Variants in IL18R1 observed in about 807,000 individuals in gnomAD.
The protein encoded by IL18R1 is interleukin 18 receptor 1, also known as interleukin-18 receptor 1.
Under a neutral mutation model 48.5 loss-of-function variants are expected in IL18R1, and 40 were observed. The observed-to-expected ratio is 0.82, with a 90% CI of 0.64 to 1.07. The LOEUF (loss-of-function observed/expected upper bound fraction) is 1.07, where lower values mean the gene tolerates loss of function less well. IL18R1 is among the 50% of genes least tolerant of loss of function. IL18R1 has a pLI of 0.00. For missense variants in IL18R1, 596 were observed against 633.7 expected (o/e 0.94, Z 0.64); for synonymous variants, 232 against 225.9 (o/e 1.03, Z -0.24).
intron 4 of IL18R1, among the ~76,000 whole-genome samples, chr2:102,374,407 T>G (rs1486833014): frequency 6.6e-6 from 1 of 152,164 alleles, no homozygotes; most frequent in Non-Finnish European, 1.5e-5. Flanking sequence ...CAGTCCTGAG[T>G]TGACTTTATT....
chr2:102,384,959 C>T lies in IL18R1; in HGVS notation c.770C>T (p.Ser257Leu), dbSNP rs377457925. ...TGGATGTTCGGGGAAGAAAATGGAT[C>T]GGATCCTAATATACATGAAGAGAAA... ...IYWMFGEENG[S>L]DPNIHEEKEM... Residue 257 changes from serine (S) to leucine (L), a missense_variant, in exon 7 of 11, where the codon TCG becomes TTG. Transcript: ENST00000233957. 3.7e-5 allele frequency: 59 copies of T among 1,604,346 alleles called. No individual in the cohort carries two copies. The highest frequency in any genetic ancestry group is 3.3e-4 in the African/African-American group (25 of 74,746).
At chr2:102,363,009 GGA>G (rs11465570) in intron 2 of IL18R1, 14,088 of 228,760 alleles carry the variant, frequency 0.062, 647 homozygotes, top group Non-Finnish European at 0.082. Flanking sequence ...TTCCTGAGAG[GGA>G]GGCAAAGATT....
chr2:102,391,397 C>A (rs1680563249), intron 9 of IL18R1, among the ~76,000 whole-genome samples: 1 of 152,202 alleles, frequency 6.6e-6, no homozygotes, highest in Non-Finnish European at 1.5e-5. Flanking sequence ...ACCTTAGACA[C>A]ACTTGCATGT....
chr2:102,371,919 C>A (rs1218457870), intron 3 of IL18R1, 34 bp from the exon 4 acceptor site: 1 of 1,242,726 alleles, frequency 8.0e-7, no homozygotes, highest in Non-Finnish European at 1.1e-6. Context: ...GTTTCTGTAG[C>A]ATTATAAAAT....
At chr2:102,392,008 T>A (rs1195445339) in intron 9 of IL18R1, among the ~76,000 whole-genome samples, 1 of 152,214 alleles carries the variant, frequency 6.6e-6, no homozygotes, top group Non-Finnish European at 1.5e-5. Flanking sequence ...TAATTTGTCT[T>A]TTGACTTTGC....
chr2:102,374,726 C>T (rs1351847781), intron 4 of IL18R1, among the ~76,000 whole-genome samples: 1 of 151,306 alleles, frequency 6.6e-6, no homozygotes, highest in Non-Finnish European at 1.5e-5. Flanking sequence ...TGCAGCGAGC[C>T]GAGACTGGGC....
intron 1 of IL18R1, 75 bp from the exon 2 acceptor site, chr2:102,362,558 A>T: frequency 1.1e-6 from 1 of 926,980 alleles, no homozygotes; most frequent in East Asian, 2.7e-5. Context: ...GTGCCAGAAG[A>T]TTTTTAAACC....
intron 1 of IL18R1, among the ~76,000 whole-genome samples, chr2:102,356,941 G>A (rs1168417394): frequency 6.6e-6 from 1 of 152,058 alleles, no homozygotes; most frequent in African/African-American, 2.4e-5. Flanking sequence ...AAATTAATGA[G>A]GTGTCAATTG....
intron 1 of IL18R1, among the ~76,000 whole-genome samples, chr2:102,357,141 G>A (rs1313277142): frequency 6.6e-6 from 1 of 152,114 alleles, no homozygotes; most frequent in Non-Finnish European, 1.5e-5. Flanking sequence ...TGCAGGTTCT[G>A]GGGACAGTGT....
At chr2:102,375,152 G>T (rs192770694) in intron 4 of IL18R1, among the ~76,000 whole-genome samples, 15 of 152,320 alleles carry the variant, frequency 9.8e-5, no homozygotes, top group African/African-American at 3.6e-4. Context: ...TCCTTGCTTG[G>T]TGTTTGCAGA....
intron 9 of IL18R1, among the ~76,000 whole-genome samples, chr2:102,393,775 C>CCATTGCAT (rs766895034): frequency 2.0e-4 from 30 of 152,192 alleles, no homozygotes; most frequent in Non-Finnish European, 4.1e-4. Flanking sequence ...CAATTAGCAT[C>CCATTGCAT]CATTGCATTT....
chr2:102,375,907 A>C lies in IL18R1; in HGVS notation c.469A>C (p.Asn157His), dbSNP rs777645316. The C allele has an allele frequency of 1.9e-6, 3 of 1,562,712 alleles. No individual in the cohort carries two copies. ...TLVNSTSLYK[N>H]CKKLLLENNK... ...TTTTAACTTGTTTTATTAAAAACAG[A>C]ACTGTAAAAAGCTACTACTGGAGAA... The change falls in exon 5 of 11, where the codon AAC (asparagine) becomes CAC (histidine). Residue 157 changes from asparagine (N) to histidine (H), a missense_variant and splice_region_variant. Asn to His is a moderately conservative substitution (Grantham distance 68, BLOSUM62 1). Coordinates refer to ENST00000233957, the MANE Select transcript of IL18R1 (RefSeq NM_003855.5).
rs72823668 is a variant in IL18R1 at position 102,362,582 on chromosome 2, C to A, written c.-28-51C>A. The A allele has an allele frequency of 2.3e-4, 279 of 1,232,714 alleles. 1 individual carries two copies. The African/African-American group carries it at 3.6e-3, about 16-fold the overall frequency. The allele number at this position is 1,232,714 out of a possible 1,614,324, so 76.4% of individuals were successfully genotyped here. ...GATTTTTAAACCTTCATAAGATAGG[C>A]ACACTTTTGTTTGAAAGCTTTGGCT... On this transcript the variant is annotated intron_variant, in intron 1 of 10. Coordinates refer to ENST00000233957, the MANE Select transcript of IL18R1 (RefSeq NM_003855.5).
chr2:102,395,883 A>G (rs1423245837), intron 10 of IL18R1, among the ~76,000 whole-genome samples: 1 of 152,190 alleles, frequency 6.6e-6, no homozygotes, highest in Non-Finnish European at 1.5e-5. Flanking sequence ...ACATTGGTTT[A>G]CCTGTCGCCT....
At chr2:102,357,709 G>T (rs1678333954) in intron 1 of IL18R1, among the ~76,000 whole-genome samples, 1 of 152,122 alleles carries the variant, frequency 6.6e-6, no homozygotes, top group African/African-American at 2.4e-5. Flanking sequence ...TGGCATCTGG[G>T]ATAAGTGGGG....
At chr2:102,395,125 G>A (rs1367784737) in intron 10 of IL18R1, among the ~76,000 whole-genome samples, 1 of 151,996 alleles carries the variant, frequency 6.6e-6, no homozygotes, top group African/African-American at 2.4e-5. Context: ...AAATTGAAAA[G>A]GGAAAAATAA....
At chr2:102,379,683 T>G (rs2105088488) in intron 5 of IL18R1, among the ~76,000 whole-genome samples, 1 of 152,264 alleles carries the variant, frequency 6.6e-6, no homozygotes. Context: ...CAGAGGGTCT[T>G]AAGACTTACT....
Position 102,394,675 on chromosome 2 carries a change from A to T in IL18R1, c.1270+48A>T, listed in dbSNP as rs1018796631. 4.0e-6 allele frequency: 6 copies of T among 1,512,652 alleles called. No individual in the cohort carries two copies. In the African/African-American group the frequency reaches 5.5e-5, roughly 14 times the overall value. The allele number at this position is 1,512,652 out of a possible 1,614,324, so 93.7% of individuals were successfully genotyped here. A position where few individuals can be genotyped will look rare whatever the true frequency, so the allele number is the denominator to read the frequency against. On this transcript the variant is annotated intron_variant, in intron 10 of 10. Coordinates refer to ENST00000233957, the MANE Select transcript of IL18R1 (RefSeq NM_003855.5). Reference sequence around the variant, plus strand: ...AAAATATTCAAGATAGTTTCTTTTTAAAAAATGAATGAGCTAGCCCCCAGA... The same window carrying T: ...AAAATATTCAAGATAGTTTCTTTTTTAAAAATGAATGAGCTAGCCCCCAGA...
chr2:102,368,974 C>A (rs764865198), intron 3 of IL18R1, among the ~76,000 whole-genome samples: 6 of 152,112 alleles, frequency 3.9e-5, no homozygotes, highest in Non-Finnish European at 8.8e-5. Context: ...AGTTTTGCAC[C>A]AAATCAGGTC....
Sources: gnomAD v4.1 joint callset for allele counts (sites outside exome capture counted in the v4.1 genomes callset) on GRCh38, gnomAD v4.1.1 for gene constraint, MANE v1.5 for transcripts, NCBI Gene and HGNC (gene_info 2026-07-23, HGNC 2026-07-21) for gene names.